Variants in CDH22 observed in about 807,000 individuals in gnomAD.
The protein encoded by CDH22 is cadherin 22.
In CDH22, 30 loss-of-function variants were observed where a neutral mutation model predicts 58.4. That is an observed-to-expected ratio of 0.51 (90% CI 0.38 to 0.70). CDH22 has a LOEUF of 0.70. CDH22 is among the 30% of genes least tolerant of loss of function. The probability of loss-of-function intolerance (pLI) is 0.00; values close to 1 mark genes in which losing one functional copy is unlikely to be tolerated. For synonymous variants in CDH22, 513 were observed against 558.2 expected, an observed-to-expected ratio of 0.92 and a Z score of 1.14; for missense variants, 1,014 against 1,233.9, an observed-to-expected ratio of 0.82 and a Z score of 2.67.
chr20:46,186,684 C>T lies in CDH22; in HGVS notation c.1567G>A (p.Val523Met). 6.2e-7 allele frequency: 1 copy of T among 1,613,930 alleles called. No individual in the cohort carries two copies. Among genetic ancestry groups the T allele is most frequent in the Non-Finnish European group, 8.5e-7 (1 of 1,179,978 alleles). ...CCGCCTTGGGGCTCGTCTCTGTCCACCACGCTGATGGTCTGGATGAGCTGA... is the reference window on the plus strand; with the variant it reads ...CCGCCTTGGGGCTCGTCTCTGTCCATCACGCTGATGGTCTGGATGAGCTGA... The part of the protein sequence containing the change: ...PGQLIQTISV[V>M]DRDEPQGGHR... The change falls in exon 10 of 12, where the codon GTG becomes ATG. Residue 523 changes from valine (V) to methionine (M), a missense_variant. By Grantham distance (21) the Val-to-Met change is conservative (BLOSUM62 1). Transcript: ENST00000537909.
intron 1 of CDH22, among the ~76,000 whole-genome samples, chr20:46,281,637 C>T (rs2086551348): frequency 6.6e-6 from 1 of 152,208 alleles, no homozygotes; most frequent in African/African-American, 2.4e-5. Context: ...TGTAAGCCCT[C>T]CAACAAACAC....
At chr20:46,301,315 C>T (rs1051164675) in intron 1 of CDH22, among the ~76,000 whole-genome samples, 1 of 152,020 alleles carries the variant, frequency 6.6e-6, no homozygotes, top group Non-Finnish European at 1.5e-5. Context: ...TTCATTTCTC[C>T]AGTCCTTGGA....
At chr20:46,248,340 G>T (rs2086345594) in intron 2 of CDH22, among the ~76,000 whole-genome samples, 2 of 152,178 alleles carry the variant, frequency 1.3e-5, no homozygotes, top group Non-Finnish European at 2.9e-5. Flanking sequence ...CCAGCTGCTG[G>T]GCAGACAGCA....
intron 8 of CDH22, 82 bp downstream of exon 8, chr20:46,199,341 C>T (rs1259523832): frequency 5.3e-6 from 8 of 1,498,300 alleles, no homozygotes; most frequent in Non-Finnish European, 7.2e-6. Flanking sequence ...CTTGGCCCTG[C>T]CCCCAGCCCT....
At chr20:46,280,608 CTT>C (rs971934672) in intron 1 of CDH22, among the ~76,000 whole-genome samples, 6 of 152,222 alleles carry the variant, frequency 3.9e-5, no homozygotes, top group African/African-American at 1.4e-4. Context: ...TGCCTTCTCT[CTT>C]GAGACCCTCA....
rs1398348603 is a variant in CDH22 at position 46,239,510 on chromosome 20, T to C, written c.550+1453A>G. On this transcript the variant is annotated intron_variant, in intron 3 of 11. Transcript: ENST00000537909. ...TCCCCTACTGGCTACTTGCTCATTA[T>C]CCCAGCAAGCTGCCAGATTTGGCCC... Among the ~76,000 whole-genome samples, 3 of 152,206 alleles carry C rather than the reference T, an allele frequency of 2.0e-5. No homozygotes were observed. The East Asian group carries it at 5.8e-4, about 29-fold the overall frequency.
chr20:46,199,432 T>A lies in CDH22; in HGVS notation c.1414A>T (p.Met472Leu), dbSNP rs143000458. ...AGWHNITVLA[M>L]EADNHAQLSR... ...GTGGCGCCCAGCTCACCCGCCTCCA[T>A]GGCCAGCACTGTGATGTTGTGCCAG... The change falls in exon 8 of 12, where the codon ATG becomes TTG. Residue 472 changes from methionine to leucine, a missense_variant. Transcript: ENST00000537909. 2 of 1,611,004 alleles carry A rather than the reference T, an allele frequency of 1.2e-6. No individual in the cohort carries two copies. Among genetic ancestry groups the A allele is most frequent in the African/African-American group, 2.7e-5 (2 of 74,940 alleles).
intron 7 of CDH22, chr20:46,209,855 A>C: frequency 6.3e-6 from 1 of 159,064 alleles, no homozygotes; most frequent in Non-Finnish European, 1.4e-5. Flanking sequence ...TGGAGAGACC[A>C]GGAACCCAGT....
At chr20:46,195,508 A>C (rs2085892808) in intron 8 of CDH22, among the ~76,000 whole-genome samples, 1 of 151,938 alleles carries the variant, frequency 6.6e-6, no homozygotes, top group South Asian at 2.1e-4. Context: ...ACATCTAGCT[A>C]TTACCCCTCC....
At chr20:46,227,896 A>G (rs1285986137) in intron 3 of CDH22, among the ~76,000 whole-genome samples, 2 of 152,236 alleles carry the variant, frequency 1.3e-5, no homozygotes, top group African/African-American at 4.8e-5. Flanking sequence ...GACTCTGGCA[A>G]CGAAAGGCAG....
intron 7 of CDH22, among the ~76,000 whole-genome samples, chr20:46,202,405 G>C (rs947860687): frequency 2.7e-5 from 4 of 150,730 alleles, no homozygotes; most frequent in Non-Finnish European, 5.9e-5. Context: ...CCAGGCTGGA[G>C]TGCAGTGGTG....
Position 46,216,796 on chromosome 20 carries a change from C to T in CDH22, c.838+30G>A, listed in dbSNP as rs544250714. ...ATGGGGTAACAGACAGACACACAGACGCGCCTTCCTCTGGGAAGGCCTCAC... is the reference window on the plus strand; with the variant it reads ...ATGGGGTAACAGACAGACACACAGATGCGCCTTCCTCTGGGAAGGCCTCAC... On this transcript the variant is annotated intron_variant, in intron 5 of 11. Transcript: ENST00000537909. This position sits in a 1 kb window ranked among gnomAD's most constrained non-coding sequence, Gnocchi z 5.3. 82 of 1,577,474 alleles carry T rather than the reference C, an allele frequency of 5.2e-5. No individual in the cohort carries two copies. Among genetic ancestry groups the T allele is most frequent in the East Asian group, 5.0e-4 (22 of 43,886 alleles).
chr20:46,210,267 A>T lies in CDH22; in HGVS notation c.1286+40T>A. On this transcript the variant is annotated intron_variant, in intron 7 of 11. Transcript: ENST00000537909. This position sits in a 1 kb window ranked among gnomAD's most constrained non-coding sequence, Gnocchi z 4.5. ...GTCTGTCCGCGGGGGTGATGGCGGG[A>T]TAGCAGGCAGCAGGCGTCGGCCCCG... 1 of 1,370,090 alleles carries T rather than the reference A, an allele frequency of 7.3e-7. No homozygotes were observed. The highest frequency in any genetic ancestry group is 9.4e-7 in the Non-Finnish European group (1 of 1,067,012). The allele number at this position is 1,370,090 out of a possible 1,614,324, so 84.9% of individuals were successfully genotyped here. A position where few individuals can be genotyped will look rare whatever the true frequency, so the allele number is the denominator to read the frequency against.
chr20:46,299,738 C>T (rs975567360), intron 1 of CDH22, among the ~76,000 whole-genome samples: 1 of 152,208 alleles, frequency 6.6e-6, no homozygotes, highest in Non-Finnish European at 1.5e-5. Context: ...TAATTCATTT[C>T]GCCTTCTCAA....
chr20:46,178,923 A>G (rs1312437627), intron 10 of CDH22, among the ~76,000 whole-genome samples: 1 of 152,140 alleles, frequency 6.6e-6, no homozygotes, highest in African/African-American at 2.4e-5. Flanking sequence ...CCTTCTCCAC[A>G]TCTTTCCTTT....
intron 8 of CDH22, among the ~76,000 whole-genome samples, chr20:46,190,971 C>A (rs1329308109): frequency 6.6e-6 from 1 of 152,170 alleles, no homozygotes; most frequent in Non-Finnish European, 1.5e-5. Flanking sequence ...GGGGATTGGA[C>A]TGGACAATCT....
At chr20:46,185,772 G>A (rs917465511) in intron 10 of CDH22, among the ~76,000 whole-genome samples, 9 of 152,192 alleles carry the variant, frequency 5.9e-5, no homozygotes, top group Non-Finnish European at 1.3e-4. Flanking sequence ...GGAGGCTGAC[G>A]CAGGACTGCT....
At chr20:46,288,102 T>C (rs972468580) in intron 1 of CDH22, among the ~76,000 whole-genome samples, 1 of 152,198 alleles carries the variant, frequency 6.6e-6, no homozygotes, top group Non-Finnish European at 1.5e-5. Flanking sequence ...GAACCATTTA[T>C]GTAGCTTAAC....
At position 46,284,495 on chromosome 20, in the gene CDH22, C is replaced by A. The variant is rs568639616; in HGVS notation, c.-400+23760G>T. Among the ~76,000 whole-genome samples, 3 of 152,276 alleles carry A rather than the reference C, an allele frequency of 2.0e-5. No individual in the cohort carries two copies. In the South Asian group the frequency reaches 6.2e-4, roughly 32 times the overall value. On this transcript the variant is annotated intron_variant, in intron 1 of 11. Coordinates refer to ENST00000537909, the MANE Select transcript of CDH22 (RefSeq NM_021248.3). ...TCCCTGCTGTATGCAAGCTGCTGTG[C>A]TGGCTGCTTTCTCTCCATTTCACCT... is the stretch of plus-strand genomic sequence containing the variant.
Sources: gnomAD v4.1 joint callset for allele counts (sites outside exome capture counted in the v4.1 genomes callset) on GRCh38, gnomAD v4.1.1 for gene constraint, Gnocchi (gnomAD v3.1) non-coding constraint, MANE v1.5 for transcripts, NCBI Gene and HGNC (gene_info 2026-07-23, HGNC 2026-07-21) for gene names.